The following NAA30 variants were observed in gnomAD, a reference collection of about 807,000 sequenced individuals.
NAA30 encodes N-alpha-acetyltransferase 30, NatC catalytic subunit.
In NAA30, 5 loss-of-function variants were observed where a neutral mutation model predicts 31.4. The observed-to-expected ratio is 0.16, with a 90% confidence interval of 0.08 to 0.33. The LOEUF (loss-of-function observed/expected upper bound fraction) is 0.33. NAA30 is among the 10% of genes least tolerant of loss of function. The probability of loss-of-function intolerance (pLI) is 1.00; values close to 1 mark genes in which losing one functional copy is unlikely to be tolerated. For synonymous variants in NAA30, 222 were observed against 207.1 expected (o/e 1.07, Z -0.62); for missense variants, 428 against 490.8 (o/e 0.87, Z 1.21).
At chr14:57,396,039 A>T in intron 2 of NAA30, among the ~76,000 whole-genome samples, 1 of 152,172 alleles carries the variant, frequency 6.6e-6, no homozygotes, top group East Asian at 1.9e-4. Context: ...CAGTGGCACG[A>T]TCTCAGCTCA....
chr14:57,390,818 G>A (rs912134298), intron 1 of NAA30, 113 bp downstream of exon 1: 10 of 770,980 alleles, frequency 1.3e-5, no homozygotes, highest in Admixed American at 4.1e-5. Flanking sequence ...GGGTGGCGGG[G>A]AATTGGGGGG....
chr14:57,412,324 G>A lies in NAA30; in HGVS notation c.*2808G>A, dbSNP rs2066527287. 1 of 152,100 alleles carries A rather than the reference G, an allele frequency of 6.6e-6. No individual in the cohort carries two copies. The allele number at this position is 152,100 out of a possible 1,614,324, so 9.4% of individuals were successfully genotyped here. On this transcript the variant is annotated 3_prime_UTR_variant, in exon 5 of 5. Coordinates refer to ENST00000556492, the MANE Select transcript of NAA30 (RefSeq NM_001011713.3). ...TATGTAAAGCAGTTTGTTTTTTCAT[G>A]TTTTAACTTTACCTTGCCCTGTGTT...
rs1178150747 is a variant in NAA30, at chr14:57,413,908, A to G, written c.*4392A>G. On this transcript the variant is annotated 3_prime_UTR_variant, in exon 5 of 5. Transcript: ENST00000556492. ...CCAGTCACACTTTATATAAGGATAG[A>G]TGTGTCCTTTTCACTCCCCAGTATG... The G allele has an allele frequency of 2.0e-5, 3 of 152,220 alleles. No individual in the cohort carries two copies. The highest frequency in any genetic ancestry group is 4.4e-5 in the Non-Finnish European group (3 of 68,054). 9.4% of individuals were successfully genotyped at this position (152,220 alleles called of 1,614,324 possible). A position where few individuals can be genotyped will look rare whatever the true frequency, so the allele number is the denominator to read the frequency against.
chr14:57,391,408 C>G lies in NAA30; in HGVS notation c.451C>G (p.Pro151Ala), dbSNP rs775406107. The change falls in exon 2 of 5, where the codon CCC (proline) becomes GCC (alanine). Residue 151 changes from proline (P) to alanine (A), a missense_variant. By Grantham distance (27) the Pro-to-Ala change is conservative (BLOSUM62 -1). Transcript: ENST00000556492. The surrounding 1 kb of genome is among the most constrained non-coding windows in gnomAD (Gnocchi z 4.1). ...CTCTAGTAATGCAAGAACTGCGGTC[C>G]CCAGCCCGGTGGAGGCAGCGGCGGC... ...SLSSNARTAV[P>A]SPVEAAAASD... The G allele has an allele frequency of 1.2e-6, 2 of 1,607,432 alleles. No homozygotes were observed. The highest frequency in any genetic ancestry group is 1.7e-6 in the Non-Finnish European group (2 of 1,177,230).
At chr14:57,405,380 A>G (rs1433957647) in intron 4 of NAA30, among the ~76,000 whole-genome samples, 2 of 149,988 alleles carry the variant, frequency 1.3e-5, no homozygotes, top group Non-Finnish European at 3.0e-5. Context: ...ATTAGACTAT[A>G]TTTATTGTGT....
intron 4 of NAA30, among the ~76,000 whole-genome samples, chr14:57,402,919 G>T (rs1268651250): frequency 6.6e-6 from 1 of 152,186 alleles, no homozygotes; most frequent in African/African-American, 2.4e-5. Flanking sequence ...TGTGGCTCAC[G>T]CCTGTAATCC....
Position 57,391,475 on chromosome 14 carries a change from C to T in NAA30, c.518C>T (p.Thr173Ile), listed in dbSNP as rs1566547469. 2 of 1,612,262 alleles carry T rather than the reference C, an allele frequency of 1.2e-6. No individual in the cohort carries two copies. The highest frequency in any genetic ancestry group is 1.1e-5 in the South Asian group (1 of 91,002). The change falls in exon 2 of 5, where the codon ACC becomes ATC. Residue 173 changes from threonine (T) to isoleucine (I), a missense_variant. By Grantham distance (89) the Thr-to-Ile change is moderately conservative (BLOSUM62 -1). This residue lies in a region of NAA30 where 349 missense variants were observed against 310.4 expected (regional missense o/e 1.12). Coordinates refer to ENST00000556492, the MANE Select transcript of NAA30 (RefSeq NM_001011713.3). The surrounding 1 kb of genome is among the most constrained non-coding windows in gnomAD (Gnocchi z 4.1). ...GCCCGCAATGGACTGGCCGAGGGCA[C>T]CGAGCAGGAGGAGGAGGAGGAAGAC... ...AAARNGLAEG[T>I]EQEEEEEDEQ...
At chr14:57,399,575 A>T (rs2066465387) in intron 3 of NAA30, among the ~76,000 whole-genome samples, 1 of 152,206 alleles carries the variant, frequency 6.6e-6, no homozygotes, top group Non-Finnish European at 1.5e-5. Flanking sequence ...GCTTGTGGCA[A>T]ATAATTATGT....
intron 3 of NAA30, among the ~76,000 whole-genome samples, chr14:57,397,902 A>G (rs1230538102): frequency 6.6e-6 from 1 of 152,182 alleles, no homozygotes; most frequent in Non-Finnish European, 1.5e-5. Context: ...TGGGTGACAG[A>G]GCAAGACTCC....
At chr14:57,396,410 T>TTAGG (rs3055321) in intron 2 of NAA30, among the ~76,000 whole-genome samples, 109,030 of 151,668 alleles carry the variant, frequency 0.72, 44,876 homozygotes, top group Non-Finnish European at 0.89. Flanking sequence ...TTCCAGAACC[T>TTAGG]TAGGTCTTTG....
intron 2 of NAA30, among the ~76,000 whole-genome samples, chr14:57,395,664 AGC>A (rs2066447328): frequency 6.6e-6 from 1 of 152,208 alleles, no homozygotes; most frequent in Non-Finnish European, 1.5e-5. Context: ...TACTCTGGAA[AGC>A]TGTACGTTTT....
Position 57,391,176 on chromosome 14 carries a change from C to G in NAA30, c.219C>G (p.Arg73=). The change falls in exon 2 of 5, where the codon CGC becomes CGG. Residue 73 remains arginine (R), a synonymous_variant. Transcript: ENST00000556492. This position sits in a 1 kb window ranked among gnomAD's most constrained non-coding sequence, Gnocchi z 4.1. The part of the protein sequence containing the change: ...TVAAKGHPCL[R]CPQPPQEQQQ... ...CGGCCAAGGGGCATCCGTGCCTCCG[C>G]TGCCCTCAGCCGCCGCAGGAGCAGC... is the stretch of plus-strand genomic sequence containing the variant. The G allele has an allele frequency of 6.2e-7, 1 of 1,609,672 alleles. No individual in the cohort carries two copies. The highest frequency in any genetic ancestry group is 8.5e-7 in the Non-Finnish European group (1 of 1,179,324).
chr14:57,408,314 A>C (rs1187853667), intron 4 of NAA30, among the ~76,000 whole-genome samples: 2 of 152,214 alleles, frequency 1.3e-5, no homozygotes, highest in African/African-American at 4.8e-5. Flanking sequence ...TTGAAAAGGC[A>C]AATAGAGCTA....
chr14:57,395,623 G>A (rs899161678), intron 2 of NAA30, among the ~76,000 whole-genome samples: 6 of 152,096 alleles, frequency 3.9e-5, no homozygotes, highest in Admixed American at 6.5e-5. Context: ...TGAAAATGGG[G>A]GATGATTAGA....
chr14:57,396,874 T>C lies in NAA30; in HGVS notation c.894T>C (p.Ile298=). The C allele has an allele frequency of 6.2e-7, 1 of 1,613,530 alleles. No homozygotes were observed. The highest frequency in any genetic ancestry group is 1.3e-5 in the African/African-American group (1 of 75,052). ...AVDSKYRRNG[I]GTNLVKKAIY... is the part of the protein sequence containing the mutation. ...ATTCCAAATACAGGAGAAATGGCAT[T>C]GGTAAGAAAAATATTATTTTATGGA... Residue 298 remains isoleucine, a splice_region_variant and synonymous_variant, in exon 3 of 5, where the codon ATT becomes ATC. Transcript: ENST00000556492.
Position 57,412,236 on chromosome 14 carries a change from A to T in NAA30, c.*2720A>T, listed in dbSNP as rs1470697848. 1 of 152,168 alleles carries T rather than the reference A, an allele frequency of 6.6e-6. No individual in the cohort carries two copies. The highest frequency in any genetic ancestry group is 1.5e-5 in the Non-Finnish European group (1 of 68,020). 9.4% of individuals were successfully genotyped at this position (152,168 alleles called of 1,614,324 possible). A position where few individuals can be genotyped will look rare whatever the true frequency, so the allele number is the denominator to read the frequency against. On this transcript the variant is annotated 3_prime_UTR_variant, in exon 5 of 5. Coordinates refer to ENST00000556492, the MANE Select transcript of NAA30 (RefSeq NM_001011713.3). ...AAACCAGCAAAATAAGAAAAAATAA[A>T]AAATCGATTTTAATATTTTCTGCCT...
rs1274227285 is a variant in NAA30 at position 57,391,178 on chromosome 14, G to T, written c.221G>T (p.Cys74Phe). The T allele has an allele frequency of 2.5e-6, 4 of 1,609,812 alleles. No individual in the cohort carries two copies. The highest frequency in any genetic ancestry group is 1.3e-5 in the African/African-American group (1 of 74,904). Reference sequence around the variant, plus strand: ...GCCAAGGGGCATCCGTGCCTCCGCTGCCCTCAGCCGCCGCAGGAGCAGCAG... The same window carrying T: ...GCCAAGGGGCATCCGTGCCTCCGCTTCCCTCAGCCGCCGCAGGAGCAGCAG... ...VAAKGHPCLR[C>F]PQPPQEQQQL... The change falls in exon 2 of 5, where the codon TGC becomes TTC. Residue 74 changes from cysteine (C) to phenylalanine (F), a missense_variant. This residue lies in a region of NAA30 where 349 missense variants were observed against 310.4 expected (regional missense o/e 1.12). Transcript: ENST00000556492. The surrounding 1 kb of genome is among the most constrained non-coding windows in gnomAD (Gnocchi z 4.1).
Position 57,390,640 on chromosome 14 carries a change from C to T in NAA30, c.-67C>T, listed in dbSNP as rs987739991. ...GCGGCTGTGGAGGCTGCCGCGGCTG[C>T]GAAGGAGGCGGCGGCGGTGGCGGAG... On this transcript the variant is annotated 5_prime_UTR_variant, in exon 1 of 5. Coordinates refer to ENST00000556492, the MANE Select transcript of NAA30 (RefSeq NM_001011713.3). 1.1e-5 allele frequency: 4 copies of T among 355,508 alleles called. No homozygotes were observed. Among genetic ancestry groups the T allele is most frequent in the Non-Finnish European group, 1.5e-5 (3 of 199,130 alleles). 22.0% of individuals were successfully genotyped at this position (355,508 alleles called of 1,614,324 possible). A position where few individuals can be genotyped will look rare whatever the true frequency, so the allele number is the denominator to read the frequency against.
At chr14:57,390,905 C>T in intron 1 of NAA30, 52 bp from the exon 2 acceptor site, 1 of 1,447,916 alleles carries the variant, frequency 6.9e-7, no homozygotes, top group South Asian at 1.6e-5. Flanking sequence ...CTGTTCTCCG[C>T]GCTCCTCGGC....
Sources: gnomAD v4.1 joint callset for allele counts (sites outside exome capture counted in the v4.1 genomes callset) on GRCh38, gnomAD v4.1.1 for gene constraint, gnomAD v4.1.1 regional missense constraint, Gnocchi (gnomAD v3.1) non-coding constraint, MANE v1.5 for transcripts, NCBI Gene and HGNC (gene_info 2026-07-23, HGNC 2026-07-21) for gene names.